Variants in UHRF1 observed in about 807,000 individuals in gnomAD.
UHRF1 encodes ubiquitin like with PHD and ring finger domains 1, also known as E3 ubiquitin-protein ligase UHRF1.
In UHRF1, 9 loss-of-function variants were observed where a neutral mutation model predicts 96.5. The ratio of observed to expected loss-of-function variants is 0.09; its 90% CI spans 0.06 to 0.16. UHRF1 has a LOEUF of 0.16. UHRF1 is among the 10% of genes least tolerant of loss of function. The pLI, the probability that UHRF1 is intolerant of heterozygous loss-of-function variation, is 1.00. For synonymous variants in UHRF1, 455 were observed against 469.9 expected (o/e 0.97, Z 0.41); for missense variants, 626 against 1,131.1 (o/e 0.55, Z 6.40).
At chr19:4,909,028 G>A (rs1284048258), upstream of UHRF1, among the ~76,000 whole-genome samples, 1 of 152,196 alleles carries the variant, frequency 6.6e-6, no homozygotes, top group South Asian at 2.1e-4. Flanking sequence ...AGCCCTGGCA[G>A]GCCCTGACGC....
At chr19:4,949,100 A>T (rs2033649824) in intron 11 of UHRF1, among the ~76,000 whole-genome samples, 1 of 150,192 alleles carries the variant, frequency 6.7e-6, no homozygotes, top group Admixed American at 6.7e-5. Context: ...GCTCCACTGC[A>T]CTCCAGCCTG....
intron 2 of UHRF1, among the ~76,000 whole-genome samples, chr19:4,916,478 T>C (rs1005317114): frequency 6.6e-5 from 10 of 152,076 alleles, no homozygotes; most frequent in Non-Finnish European, 1.0e-4. Flanking sequence ...GCGACAGTGA[T>C]CGTGGTGTCT....
chr19:4,960,897 C>T lies in UHRF1; in HGVS notation c.*94C>T. The T allele has an allele frequency of 1.5e-6, 1 of 664,070 alleles. No individual in the cohort carries two copies. The highest frequency in any genetic ancestry group is 2.5e-6 in the Non-Finnish European group (1 of 394,936). The allele number at this position is 664,070 out of a possible 1,614,324, so 41.1% of individuals were successfully genotyped here. On this transcript the variant is annotated 3_prime_UTR_variant, in exon 17 of 17. Transcript: ENST00000650932. Reference sequence around the variant, plus strand: ...TTGTTCTTAGTGGGCTTAACTTAAACAGGTAGTGTTTCCTCCGTTCCCTAA... The same window carrying T: ...TTGTTCTTAGTGGGCTTAACTTAAATAGGTAGTGTTTCCTCCGTTCCCTAA...
At chr19:4,923,226 G>A (rs1352825353) in intron 2 of UHRF1, among the ~76,000 whole-genome samples, 1 of 152,152 alleles carries the variant, frequency 6.6e-6, no homozygotes, top group Non-Finnish European at 1.5e-5. Context: ...CTTGTCCTCT[G>A]TCTGAGTCTG....
Position 4,947,182 on chromosome 19 carries a change from T to C in UHRF1, c.1488T>C (p.Ser496=). 6.2e-7 allele frequency: 1 copy of C among 1,613,950 alleles called. No individual in the cohort carries two copies. The highest frequency in any genetic ancestry group is 1.1e-5 in the South Asian group (1 of 91,078). ...GCAACAAGAGGACCGCGGAACAGTC[T>C]TGTGATCAGAAACTCACCAACACCA... ...LSGNKRTAEQ[S]CDQKLTNTNR... Residue 496 remains serine, a synonymous_variant, in exon 11 of 17, where the codon TCT becomes TCC. Transcript: ENST00000650932.
intron 13 of UHRF1, among the ~76,000 whole-genome samples, chr19:4,952,311 C>A (rs981458924): frequency 6.7e-6 from 1 of 148,432 alleles, no homozygotes; most frequent in Non-Finnish European, 1.5e-5. Context: ...TCAGGCTGGT[C>A]TTGAACTCCT....
At chr19:4,914,569 C>G (rs188985631) in intron 2 of UHRF1, among the ~76,000 whole-genome samples, 4 of 151,756 alleles carry the variant, frequency 2.6e-5, no homozygotes, top group Non-Finnish European at 5.9e-5. Context: ...TGGGCGGGAA[C>G]GCAGGGAGCT....
At chr19:4,953,164 C>T (rs1316388519) in intron 13 of UHRF1, among the ~76,000 whole-genome samples, 1 of 152,160 alleles carries the variant, frequency 6.6e-6, no homozygotes, top group Non-Finnish European at 1.5e-5. Context: ...TCCTCTTGTT[C>T]GTAGTGAAGC....
At chr19:4,909,437 C>T, upstream of UHRF1, 2 of 652,842 alleles carry the variant, frequency 3.1e-6, no homozygotes, top group East Asian at 6.5e-5. Flanking sequence ...CAGGCGCCCG[C>T]CCCCGGCACG....
chr19:4,941,740 C>A lies in UHRF1; in HGVS notation c.887-5C>A. On this transcript the variant is annotated splice_polypyrimidine_tract_variant and splice_region_variant and intron_variant, in intron 6 of 16. Transcript: ENST00000650932. ...CCGGAGCTGACCCTGCCGCCCCGTG[C>A]CCAGGGAAGAGCGGGCCGTCCTGCA... The A allele has an allele frequency of 6.5e-7, 1 of 1,545,750 alleles. No individual in the cohort carries two copies. Among genetic ancestry groups the A allele is most frequent in the Non-Finnish European group, 8.7e-7 (1 of 1,144,730 alleles).
At chr19:4,923,477 C>T (rs937879575) in intron 2 of UHRF1, among the ~76,000 whole-genome samples, 1 of 152,194 alleles carries the variant, frequency 6.6e-6, no homozygotes, top group East Asian at 1.9e-4. Flanking sequence ...CGCTGAGGCC[C>T]CTCTGCTTGG....
In UHRF1 at chr19:4,941,623, T is replaced by C. The variant is rs527736027; in HGVS notation, c.881T>C (p.Met294Thr). 43 of 1,612,694 alleles carry C rather than the reference T, an allele frequency of 2.7e-5. No individual in the cohort carries two copies. The highest frequency in any genetic ancestry group is 1.3e-4 in the East Asian group (6 of 44,826). The change falls in exon 6 of 17, where the codon ATG (methionine) becomes ACG (threonine). Residue 294 changes from methionine (M) to threonine (T), a missense_variant. Physicochemically the swap from Met to Thr is moderately conservative, Grantham distance 81 (BLOSUM62 -1). Around this residue, in one of 11 missense-constraint regions of UHRF1, gnomAD observed 198 missense variants for 235.1 expected, o/e 0.84. Coordinates refer to ENST00000650932, the MANE Select transcript of UHRF1 (RefSeq NM_001048201.3). ...GGGAGCCCCATGGTTGACAACCCCA[T>C]GAGACGTGAGTTCTGAGCCAGCCTT... The part of the protein sequence containing the change: ...GEGSPMVDNP[M>T]RRKSGPSCKH...
intron 16 of UHRF1, among the ~76,000 whole-genome samples, chr19:4,959,497 C>T (rs2033937960): frequency 6.6e-6 from 1 of 152,126 alleles, no homozygotes; most frequent in South Asian, 2.1e-4. Context: ...TACGGCGTGT[C>T]ACTCCTCCCT....
chr19:4,926,069 G>C (rs1475752688), intron 2 of UHRF1, among the ~76,000 whole-genome samples: 1 of 151,498 alleles, frequency 6.6e-6, no homozygotes, highest in African/African-American at 2.4e-5. Flanking sequence ...GGCTAATTTT[G>C]TATTTTTAGT....
At chr19:4,949,673 AAAAG>A (rs1344685976) in intron 11 of UHRF1, among the ~76,000 whole-genome samples, 1 of 152,060 alleles carries the variant, frequency 6.6e-6, no homozygotes, top group East Asian at 1.9e-4. Context: ...AAAATTACAA[AAAAG>A]AATTTCAAAA....
At chr19:4,958,877 G>A (rs1330850613) in intron 16 of UHRF1, among the ~76,000 whole-genome samples, 3 of 151,370 alleles carry the variant, frequency 2.0e-5, no homozygotes, top group African/African-American at 7.3e-5. Flanking sequence ...TGGTAGAATC[G>A]CTTGAACCTG....
intron 1 of UHRF1, among the ~76,000 whole-genome samples, chr19:4,904,153 G>A (rs919314813): frequency 2.0e-5 from 3 of 151,424 alleles, no homozygotes; most frequent in South Asian, 2.1e-4. Flanking sequence ...CCCCGTGCCC[G>A]GCTAATTTTT....
intron 4 of UHRF1, among the ~76,000 whole-genome samples, chr19:4,932,264 C>G (rs2033077434): frequency 6.6e-6 from 1 of 152,178 alleles, no homozygotes; most frequent in Non-Finnish European, 1.5e-5. Context: ...GGCAGGGTTT[C>G]ACCGTGTTGG....
chr19:4,927,078 A>G (rs150200631), intron 2 of UHRF1, among the ~76,000 whole-genome samples: 3,003 of 151,600 alleles, frequency 0.02, 36 homozygotes, highest in Non-Finnish European at 0.032. Context: ...AAAACAAAAC[A>G]AAACAAAACA....
Sources: allele counts gnomAD v4.1 joint callset (sites outside exome capture counted in the v4.1 genomes callset), GRCh38; gene constraint gnomAD v4.1.1; regional missense constraint gnomAD v4.1.1; transcripts MANE v1.5; gene names NCBI Gene and HGNC (gene_info 2026-07-23, HGNC 2026-07-21).